The following PALM2AKAP2 variants were observed in gnomAD, a reference collection of about 807,000 sequenced individuals.
PALM2AKAP2 encodes PALM2 and AKAP2 fusion.
In PALM2AKAP2, 37 loss-of-function variants were observed where a neutral mutation model predicts 71.5. The observed-to-expected ratio is 0.52, with a 90% CI of 0.40 to 0.68. PALM2AKAP2 has a LOEUF of 0.68. PALM2AKAP2 is among the 30% of genes least tolerant of loss of function. The pLI is 0.00. For synonymous variants in PALM2AKAP2, 468 were observed against 478.8 expected, an observed-to-expected ratio of 0.98 and a Z score of 0.29; for missense variants, 1,224 against 1,191.8, an observed-to-expected ratio of 1.03 and a Z score of -0.40.
chr9:110,006,396 C>G (rs1342747616), intron 6 of PALM2AKAP2, among the ~76,000 whole-genome samples: 1 of 119,024 alleles, frequency 8.4e-6, no homozygotes, highest in Non-Finnish European at 1.8e-5. Context: ...CAAGATCTTA[C>G]TCTGTCATGC....
At chr9:109,855,034 C>T (rs1201745202) in intron 1 of PALM2AKAP2, among the ~76,000 whole-genome samples, 1 of 151,898 alleles carries the variant, frequency 6.6e-6, no homozygotes, top group Admixed American at 6.6e-5. Context: ...CCCCAAAGTA[C>T]TGGGATTACA....
chr9:109,678,059 CA>C (rs1827673902), intron 1 of PALM2AKAP2, among the ~76,000 whole-genome samples: 1 of 152,130 alleles, frequency 6.6e-6, no homozygotes, highest in Non-Finnish European at 1.5e-5. Flanking sequence ...CAATTGGTTA[CA>C]AGATTCAGAA....
intron 1 of PALM2AKAP2, among the ~76,000 whole-genome samples, chr9:109,819,262 C>T (rs892469199): frequency 2.6e-5 from 4 of 152,180 alleles, no homozygotes; most frequent in Admixed American, 2.6e-4. Flanking sequence ...TTATTCAAGA[C>T]ATAGAATACA....
At chr9:109,797,665 G>A (rs1827302263) in intron 1 of PALM2AKAP2, among the ~76,000 whole-genome samples, 2 of 152,208 alleles carry the variant, frequency 1.3e-5, no homozygotes, top group Admixed American at 6.5e-5. Context: ...GCTGTGAACC[G>A]CCAGGGCAGG....
At chr9:109,871,304 A>G (rs1829598303) in intron 2 of PALM2AKAP2, among the ~76,000 whole-genome samples, 1 of 152,154 alleles carries the variant, frequency 6.6e-6, no homozygotes, top group Non-Finnish European at 1.5e-5. Context: ...AAAATGGTAA[A>G]ATACTAACTG....
chr9:110,157,018 C>A (rs1203747304), intron 3 of PALM2AKAP2, among the ~76,000 whole-genome samples: 9 of 152,152 alleles, frequency 5.9e-5, no homozygotes, highest in Non-Finnish European at 4.4e-5. Context: ...AAGCAAAGAG[C>A]CAGTGAAAAT....
At chr9:109,874,040 T>C (rs1289439043) in intron 2 of PALM2AKAP2, among the ~76,000 whole-genome samples, 1 of 152,218 alleles carries the variant, frequency 6.6e-6, no homozygotes, top group Non-Finnish European at 1.5e-5. Context: ...TAGCTGTAGA[T>C]GAAAAAGATT....
intron 1 of PALM2AKAP2, among the ~76,000 whole-genome samples, chr9:110,119,341 C>CAAAAAAAAAAAAA (rs200861093): frequency 2.2e-5 from 2 of 88,922 alleles, no homozygotes; most frequent in Non-Finnish European, 2.4e-5. Context: ...GACTCCATCT[C>CAAAAAAAAAAAAA]AAAAAAAAAA....
At chr9:110,014,807 T>TAAAAAAAA (rs1832949031) in intron 6 of PALM2AKAP2, among the ~76,000 whole-genome samples, 6 of 3,170 alleles carry the variant, frequency 1.9e-3, no homozygotes, top group African/African-American at 2.9e-3. Flanking sequence ...AAAAAAAATG[T>TAAAAAAAA]ATATATATAT....
chr9:109,872,582 C>T (rs959616833), intron 2 of PALM2AKAP2, among the ~76,000 whole-genome samples: 1 of 152,326 alleles, frequency 6.6e-6, no homozygotes, highest in South Asian at 2.1e-4. Context: ...GAGTTTTCTT[C>T]TAATCCAAGC....
chr9:109,747,209 G>A (rs117036848), intron 1 of PALM2AKAP2, among the ~76,000 whole-genome samples: 6,451 of 152,258 alleles, frequency 0.042, 190 homozygotes, highest in Non-Finnish European at 0.053. Context: ...CCAGCAGATG[G>A]ATTCACTAGG....
rs111645314 is a variant in PALM2AKAP2, at chr9:110,052,242, C to T, written c.156+3387C>T. Reference sequence around the variant, plus strand: ...ACTGTGCAAACTCAACACCCAGAGGCAGAATTTCTGTAAAGCTAAAAATAA... The same window carrying T: ...ACTGTGCAAACTCAACACCCAGAGGTAGAATTTCTGTAAAGCTAAAAATAA... On this transcript the variant is annotated intron_variant, in intron 1 of 3. Transcript: ENST00000374525. 6.4e-3 allele frequency among the ~76,000 whole-genome samples: 977 copies of T among 152,242 alleles called. 12 individuals are homozygous for T. The highest frequency in any genetic ancestry group is 0.047 in the South Asian group (225 of 4,828).
At chr9:110,145,603 G>T (rs368589856) in intron 2 of PALM2AKAP2, among the ~76,000 whole-genome samples, 1 of 152,030 alleles carries the variant, frequency 6.6e-6, no homozygotes, top group African/African-American at 2.4e-5. Context: ...CCATGACTAC[G>T]TACTGTTCTC....
intron 6 of PALM2AKAP2, among the ~76,000 whole-genome samples, chr9:110,008,794 C>T (rs1348618458): frequency 1.3e-5 from 2 of 152,084 alleles, no homozygotes; most frequent in Non-Finnish European, 2.9e-5. Context: ...TCTAGGATTG[C>T]CAGTTGCTGT....
chr9:110,152,400 G>C (rs746124203), intron 2 of PALM2AKAP2, among the ~76,000 whole-genome samples: 2 of 152,300 alleles, frequency 1.3e-5, no homozygotes, highest in African/African-American at 4.8e-5. Flanking sequence ...AGTAAGCAAA[G>C]CTGGACCTGG....
intron 7 of PALM2AKAP2, among the ~76,000 whole-genome samples, chr9:110,023,305 C>CTTTTTTTTTTTTTTTTTTTTTTTTTTTT (rs149672913): frequency 1.4e-5 from 1 of 74,046 alleles, no homozygotes; most frequent in African/African-American, 6.2e-5. Context: ...ATTGTGGTTT[C>CTTTTTTTTTTTTTTTTTTTTTTTTTTTT]TTTTTTTTTT....
intron 1 of PALM2AKAP2, among the ~76,000 whole-genome samples, chr9:109,664,127 C>G (rs1827441781): frequency 6.6e-6 from 1 of 152,160 alleles, no homozygotes; most frequent in Admixed American, 6.5e-5. Flanking sequence ...ACTGATGGGT[C>G]TTGACTCTTT....
chr9:109,873,260 CGA>C (rs1039468642), intron 2 of PALM2AKAP2, among the ~76,000 whole-genome samples: 1 of 152,004 alleles, frequency 6.6e-6, no homozygotes, highest in African/African-American at 2.4e-5. Context: ...GTCAGGAGTT[CGA>C]GACCAGCCTA....
chr9:109,732,515 G>A (rs146080063), intron 1 of PALM2AKAP2, among the ~76,000 whole-genome samples: 74 of 152,250 alleles, frequency 4.9e-4, no homozygotes, highest in African/African-American at 1.7e-3. Context: ...TTAGATTGAT[G>A]GGTGGTGGGC....
Sources: gnomAD v4.1 joint callset for allele counts (sites outside exome capture counted in the v4.1 genomes callset) on GRCh38, gnomAD v4.1.1 for gene constraint, MANE v1.5 for transcripts, NCBI Gene and HGNC (gene_info 2026-07-23, HGNC 2026-07-21) for gene names.